Variants in LRRC8C observed in about 807,000 individuals in gnomAD.
LRRC8C encodes the protein volume-regulated anion channel subunit LRRC8C.
In LRRC8C, 20 loss-of-function variants were observed where a neutral mutation model predicts 55.3. The observed-to-expected ratio is 0.36, with a 90% CI of 0.25 to 0.53. The LOEUF is 0.53. Ranked by LOEUF, LRRC8C falls within the 20% of genes least tolerant of loss-of-function variation. LRRC8C has a pLI of 0.92. For synonymous variants in LRRC8C, 376 were observed against 360.7 expected (o/e 1.04, Z -0.48); for missense variants, 659 against 951.4 (o/e 0.69, Z 4.04).
At chr1:89,703,424 A>C (rs983846431) in intron 2 of LRRC8C, among the ~76,000 whole-genome samples, 3 of 152,164 alleles carry the variant, frequency 2.0e-5, no homozygotes, top group African/African-American at 7.2e-5. Flanking sequence ...TTTTATTAAG[A>C]GTTATTAAGG....
chr1:89,646,016 T>C (rs1224227931), intron 1 of LRRC8C, among the ~76,000 whole-genome samples: 2 of 149,624 alleles, frequency 1.3e-5, no homozygotes, highest in East Asian at 3.9e-4. Context: ...TATTCTATAT[T>C]ATGAAACTTT....
At chr1:89,699,323 G>A (rs1407524385) in intron 2 of LRRC8C, among the ~76,000 whole-genome samples, 5 of 152,166 alleles carry the variant, frequency 3.3e-5, no homozygotes, top group Non-Finnish European at 7.3e-5. Flanking sequence ...TTATACATTT[G>A]TCCAAATCTT....
At position 89,714,823 on chromosome 1, in the gene LRRC8C, G is replaced by A; in HGVS notation, c.2253G>A (p.Leu751=). 1 of 1,614,038 alleles carries A rather than the reference G, an allele frequency of 6.2e-7. No homozygotes were observed. The highest frequency in any genetic ancestry group is 8.5e-7 in the Non-Finnish European group (1 of 1,179,986). ...TACTTTCACCGAAAATTGGAAATTT[G>A]CTATTTCTTTCCTACTTAGATGTAA... The part of the protein sequence containing the change: ...LSVLSPKIGN[L]LFLSYLDVKG... Residue 751 remains leucine, a synonymous_variant, in exon 3 of 3, where the codon TTG becomes TTA. Transcript: ENST00000370454. The surrounding 1 kb of genome is among the most constrained non-coding windows in gnomAD (Gnocchi z 4.6).
intron 1 of LRRC8C, among the ~76,000 whole-genome samples, chr1:89,664,094 TTTTG>T (rs893659756): frequency 3.3e-5 from 5 of 152,080 alleles, no homozygotes; most frequent in East Asian, 1.9e-4. Flanking sequence ...CTGATAACAG[TTTTG>T]TTTGTTTGTT....
chr1:89,677,440 T>TATATATATAAAAGA (rs1657582370), intron 1 of LRRC8C, among the ~76,000 whole-genome samples: 1 of 152,248 alleles, frequency 6.6e-6, no homozygotes, highest in African/African-American at 2.4e-5. Flanking sequence ...TTTTCTTTTA[T>TATATATATAAAAGA]ATTGTCAAAT....
Position 89,714,425 on chromosome 1 carries a change from C to G in LRRC8C, c.1855C>G (p.Leu619Val). 1 of 1,614,114 alleles carries G rather than the reference C, an allele frequency of 6.2e-7. No individual in the cohort carries two copies. Among genetic ancestry groups the G allele is most frequent in the Admixed American group, 1.7e-5 (1 of 60,028 alleles). The change falls in exon 3 of 3, where the codon CTG (leucine) becomes GTG (valine). Residue 619 changes from leucine to valine, a missense_variant. By Grantham distance (32) the Leu-to-Val change is conservative. This residue lies in a region of LRRC8C where 344 missense variants were observed against 464.6 expected (regional missense o/e 0.74). Transcript: ENST00000370454. The surrounding 1 kb of genome is among the most constrained non-coding windows in gnomAD (Gnocchi z 4.6). ...CCTACTCAGCCTCCAGGAATTGGAC[C>G]TGAAGGAAAACAATCTGAAATCTAT... The part of the protein sequence containing the change: ...FSLLSLQELD[L>V]KENNLKSIEE...
At chr1:89,629,073 A>G (rs2101161141), upstream of LRRC8C, among the ~76,000 whole-genome samples, 1 of 152,326 alleles carries the variant, frequency 6.6e-6, no homozygotes, top group East Asian at 1.9e-4. Flanking sequence ...TCCACATTTG[A>G]CATTACCTCT....
intron 1 of LRRC8C, among the ~76,000 whole-genome samples, chr1:89,655,900 G>A (rs151010378): frequency 6.6e-6 from 1 of 152,338 alleles, no homozygotes; most frequent in African/African-American, 2.4e-5. Flanking sequence ...TCCAAGTTGA[G>A]TTCATCTTTT....
At chr1:89,658,659 G>C (rs1286693023) in intron 1 of LRRC8C, among the ~76,000 whole-genome samples, 1 of 152,238 alleles carries the variant, frequency 6.6e-6, no homozygotes, top group African/African-American at 2.4e-5. Flanking sequence ...CTACACAATT[G>C]ATATAAAATT....
chr1:89,714,753 G>T lies in LRRC8C; in HGVS notation c.2183G>T (p.Cys728Phe). The change falls in exon 3 of 3, where the codon TGC (cysteine) becomes TTC (phenylalanine). Residue 728 changes from cysteine to phenylalanine, a missense_variant. Cys to Phe is a radical substitution (Grantham distance 205). Coordinates refer to ENST00000370454, the MANE Select transcript of LRRC8C (RefSeq NM_032270.5). This position sits in a 1 kb window ranked among gnomAD's most constrained non-coding sequence, Gnocchi z 4.6. ...AGCCTTCCAGATGAACTCTACTTCTGCAAGAAACTTAAAACTCTGAAGATT... is the reference window on the plus strand; with the variant it reads ...AGCCTTCCAGATGAACTCTACTTCTTCAAGAAACTTAAAACTCTGAAGATT... Reference protein sequence around the residue: ...VESLPDELYFCKKLKTLKIGK... With the variant: ...VESLPDELYFFKKLKTLKIGK... 6.2e-7 allele frequency: 1 copy of T among 1,613,810 alleles called. No homozygotes were observed. Among genetic ancestry groups the T allele is most frequent in the Non-Finnish European group, 8.5e-7 (1 of 1,179,904 alleles).
chr1:89,692,396 A>T (rs185211056), intron 2 of LRRC8C, among the ~76,000 whole-genome samples: 201 of 152,300 alleles, frequency 1.3e-3, no homozygotes, highest in African/African-American at 4.0e-3. Context: ...TGCTTTTTTC[A>T]TGTCAAGTTA....
chr1:89,702,980 GAC>G (rs1658374823), intron 2 of LRRC8C, among the ~76,000 whole-genome samples: 1 of 152,196 alleles, frequency 6.6e-6, no homozygotes, highest in Non-Finnish European at 1.5e-5. Context: ...GCTCATGAAA[GAC>G]AGACTGAGAG....
At chr1:89,659,327 C>T (rs887943719) in intron 1 of LRRC8C, among the ~76,000 whole-genome samples, 1 of 152,074 alleles carries the variant, frequency 6.6e-6, no homozygotes, top group African/African-American at 2.4e-5. Context: ...TGTTCTGTTA[C>T]GGAATGTTAG....
intron 2 of LRRC8C, among the ~76,000 whole-genome samples, chr1:89,690,200 T>C (rs1657991326): frequency 6.6e-6 from 1 of 152,138 alleles, no homozygotes; most frequent in Non-Finnish European, 1.5e-5. Context: ...AGAATGGGAA[T>C]GATAGCTACA....
chr1:89,665,632 A>G (rs1158513448), intron 1 of LRRC8C, among the ~76,000 whole-genome samples: 1 of 152,222 alleles, frequency 6.6e-6, no homozygotes, highest in African/African-American at 2.4e-5. Flanking sequence ...AAAAGTTATA[A>G]AGAATGTTTA....
chr1:89,694,323 C>T (rs767683544), intron 2 of LRRC8C, among the ~76,000 whole-genome samples: 13 of 151,862 alleles, frequency 8.6e-5, no homozygotes, highest in Non-Finnish European at 1.9e-4. Flanking sequence ...AAATTATATT[C>T]CAGGGAGAAA....
intron 1 of LRRC8C, among the ~76,000 whole-genome samples, chr1:89,674,952 T>C (rs1657513511): frequency 6.6e-6 from 1 of 152,214 alleles, no homozygotes; most frequent in South Asian, 2.1e-4. Context: ...TTTTTATGTT[T>C]AACCTAGCTG....
At chr1:89,642,912 G>A (rs555948707) in intron 1 of LRRC8C, among the ~76,000 whole-genome samples, 2 of 151,420 alleles carry the variant, frequency 1.3e-5, no homozygotes, top group East Asian at 3.9e-4. Flanking sequence ...CAGCTACTCA[G>A]GAGGCTGAGA....
Position 89,669,209 on chromosome 1 carries a change from A to T in LRRC8C, c.-4-17261A>T, listed in dbSNP as rs140107971. On this transcript the variant is annotated intron_variant, in intron 1 of 2. Coordinates refer to ENST00000370454, the MANE Select transcript of LRRC8C (RefSeq NM_032270.5). ...GTCACAGAAAGATATGTGATTCCAT[A>T]TGTGAAGTATCTAAAGTAGTCAAAT... 3.4e-3 allele frequency among the ~76,000 whole-genome samples: 512 copies of T among 152,204 alleles called. 6 individuals are homozygous for T. The highest frequency in any genetic ancestry group is 4.8e-3 in the Non-Finnish European group (324 of 68,006).
Sources: gnomAD v4.1 joint callset for allele counts (sites outside exome capture counted in the v4.1 genomes callset) on GRCh38, gnomAD v4.1.1 for gene constraint, gnomAD v4.1.1 regional missense constraint, Gnocchi (gnomAD v3.1) non-coding constraint, MANE v1.5 for transcripts, NCBI Gene and HGNC (gene_info 2026-07-23, HGNC 2026-07-21) for gene names.